STIM2: variants seen among roughly 807,000 people sequenced by gnomAD.
STIM2 encodes stromal interaction molecule 2.
A neutral mutation model predicts 85.8 loss-of-function variants in STIM2; 31 were observed. The ratio of observed to expected loss-of-function variants is 0.36; its 90% CI spans 0.27 to 0.49. The LOEUF (loss-of-function observed/expected upper bound fraction) is 0.49. Ranked by LOEUF, STIM2 falls within the 20% of genes least tolerant of loss-of-function variation. The pLI is 0.98. For missense variants in STIM2, 841 were observed against 927.6 expected, an observed-to-expected ratio of 0.91 and a Z score of 1.21; for synonymous variants, 356 against 331.1, an observed-to-expected ratio of 1.08 and a Z score of -0.82.
intron 1 of STIM2, among the ~76,000 whole-genome samples, chr4:26,875,378 A>G (rs377155427): frequency 2.5e-4 from 38 of 152,302 alleles, no homozygotes; most frequent in African/African-American, 9.1e-4. Context: ...TTATCTGGTA[A>G]CTTTTATAGT....
intron 1 of STIM2, among the ~76,000 whole-genome samples, chr4:26,872,435 G>A (rs2109029614): frequency 6.6e-6 from 1 of 152,124 alleles, no homozygotes; most frequent in Admixed American, 6.5e-5. Flanking sequence ...GAGCTTAAAG[G>A]TTTACTATAA....
intron 1 of STIM2, among the ~76,000 whole-genome samples, chr4:26,886,281 A>G (rs970405280): frequency 6.6e-5 from 10 of 152,192 alleles, no homozygotes; most frequent in African/African-American, 2.4e-4. Context: ...TATTATTTCA[A>G]TATATACTCA....
At chr4:26,981,318 A>G (rs1405722794) in intron 3 of STIM2, among the ~76,000 whole-genome samples, 1 of 152,198 alleles carries the variant, frequency 6.6e-6, no homozygotes, top group Non-Finnish European at 1.5e-5. Context: ...AATAAAGCCT[A>G]ATGTTTGCTG....
chr4:26,876,450 C>T (rs1290923796), intron 1 of STIM2, among the ~76,000 whole-genome samples: 1 of 152,126 alleles, frequency 6.6e-6, no homozygotes, highest in East Asian at 1.9e-4. Context: ...AAAACTCGCC[C>T]TGCCTTGCTT....
chr4:26,864,065 TAAAC>T (rs1722308991), intron 1 of STIM2, among the ~76,000 whole-genome samples: 1 of 152,158 alleles, frequency 6.6e-6, no homozygotes, highest in African/African-American at 2.4e-5. Context: ...TTTGCTCAAA[TAAAC>T]TGTTATTGCT....
intron 2 of STIM2, among the ~76,000 whole-genome samples, chr4:26,931,828 G>C (rs993197166): frequency 1.3e-5 from 2 of 152,114 alleles, no homozygotes; most frequent in Admixed American, 1.3e-4. Flanking sequence ...TAAAAATAGA[G>C]ACTTTAATTC....
At chr4:26,896,824 T>TGAG (rs1330740487) in intron 1 of STIM2, among the ~76,000 whole-genome samples, 2 of 152,248 alleles carry the variant, frequency 1.3e-5, no homozygotes, top group African/African-American at 4.8e-5. Context: ...GACACAGGAC[T>TGAG]GCTCTGTCAT....
chr4:27,023,039 A>G lies in STIM2; in HGVS notation c.*43A>G. The stretch of plus-strand genomic sequence containing the variant: ...AATCATGTTCAAGTGGCATCTGTAA[A>G]CTATTATCCCCCACCCTCCACTCCC... On this transcript the variant is annotated 3_prime_UTR_variant, in exon 12 of 12. Transcript: ENST00000467087. The G allele has an allele frequency of 2.6e-6, 4 of 1,563,368 alleles. No homozygotes were observed. In the East Asian group the frequency reaches 9.0e-5, roughly 35 times the overall value.
chr4:27,005,025 C>T (rs948248557), intron 7 of STIM2, among the ~76,000 whole-genome samples: 2 of 152,114 alleles, frequency 1.3e-5, no homozygotes, highest in African/African-American at 4.8e-5. Flanking sequence ...CAAGGTTTTG[C>T]GTGTCATATT....
At chr4:27,019,435 C>CAG in intron 11 of STIM2, 1 of 1,289,794 alleles carries the variant, frequency 7.8e-7, no homozygotes, top group Non-Finnish European at 1.0e-6. Context: ...CCTTTACTGA[C>CAG]AGAACTGGTC....
At chr4:26,971,132 T>C (rs1022670378) in intron 3 of STIM2, among the ~76,000 whole-genome samples, 1 of 152,218 alleles carries the variant, frequency 6.6e-6, no homozygotes, top group Non-Finnish European at 1.5e-5. Flanking sequence ...CTTTGTAGAT[T>C]CTGGATATTA....
At chr4:26,936,402 C>T (rs1425419986) in intron 2 of STIM2, among the ~76,000 whole-genome samples, 1 of 152,152 alleles carries the variant, frequency 6.6e-6, no homozygotes, top group East Asian at 1.9e-4. Flanking sequence ...CTGCTTGTCC[C>T]TCAAAGCAAC....
intron 10 of STIM2, among the ~76,000 whole-genome samples, chr4:27,010,063 T>C (rs192171528): frequency 1.9e-3 from 292 of 152,326 alleles, no homozygotes; most frequent in African/African-American, 6.8e-3. Flanking sequence ...TGTGAATAAT[T>C]ATTCTAGTTT....
At chr4:26,893,287 C>T (rs886374082) in intron 1 of STIM2, among the ~76,000 whole-genome samples, 3 of 152,202 alleles carry the variant, frequency 2.0e-5, no homozygotes, top group Admixed American at 6.5e-5. Context: ...ATCACAACCT[C>T]TCCTACTGCC....
rs991073880 is a variant in STIM2, at chr4:26,963,243, G to T, written c.397+5517G>T. On this transcript the variant is annotated intron_variant, in intron 3 of 11. Coordinates refer to ENST00000467087, the MANE Select transcript of STIM2 (RefSeq NM_020860.4). The stretch of plus-strand genomic sequence containing the variant: ...TTGATACAAAATTCCTAAAAGTAAG[G>T]GAAGTTATAAATATTTTAAAAATAT... Among the ~76,000 whole-genome samples the T allele has an allele frequency of 1.3e-5, 2 of 151,900 alleles. 1 individual carries two copies. Among genetic ancestry groups the T allele is most frequent in the Admixed American group, 1.3e-4 (2 of 15,236 alleles).
chr4:26,888,700 T>A (rs927767488), intron 1 of STIM2, among the ~76,000 whole-genome samples: 1 of 152,326 alleles, frequency 6.6e-6, no homozygotes, highest in South Asian at 2.1e-4. Context: ...CCAATTTAAG[T>A]AGTCCTTAAA....
At chr4:26,872,670 G>A (rs2109029784) in intron 1 of STIM2, among the ~76,000 whole-genome samples, 1 of 152,282 alleles carries the variant, frequency 6.6e-6, no homozygotes, top group South Asian at 2.1e-4. Context: ...AAGTATTGGG[G>A]ACACAAAGAT....
chr4:26,996,656 A>G (rs1382719145), intron 4 of STIM2, among the ~76,000 whole-genome samples: 3 of 152,164 alleles, frequency 2.0e-5, no homozygotes, highest in Non-Finnish European at 4.4e-5. Flanking sequence ...AATATCTTTT[A>G]TGTTCATGGT....
At chr4:27,016,381 C>T (rs1040714965) in intron 10 of STIM2, among the ~76,000 whole-genome samples, 3 of 152,096 alleles carry the variant, frequency 2.0e-5, no homozygotes, top group African/African-American at 7.2e-5. Context: ...AGGAGATTGG[C>T]ATTATTCCAC....
Sources: allele counts gnomAD v4.1 joint callset (sites outside exome capture counted in the v4.1 genomes callset), GRCh38; gene constraint gnomAD v4.1.1; transcripts MANE v1.5; gene names NCBI Gene and HGNC (gene_info 2026-07-23, HGNC 2026-07-21).